Variants in COA1 observed in about 807,000 individuals in gnomAD.
COA1 encodes the protein cytochrome c oxidase assembly factor 1, also known as cytochrome c oxidase assembly factor 1 homolog.
In COA1, 13 loss-of-function variants were observed where a neutral mutation model predicts 16.0. That is an observed-to-expected ratio of 0.81 (90% CI 0.53 to 1.29). The LOEUF (loss-of-function observed/expected upper bound fraction) is 1.29, where lower values mean the gene tolerates loss of function less well. COA1 is among the 50% of genes most tolerant of loss of function. The probability of loss-of-function intolerance (pLI) is 0.00; values close to 1 mark genes in which losing one functional copy is unlikely to be tolerated. For synonymous variants in COA1, 65 were observed against 65.7 expected (o/e 0.99, Z 0.05); for missense variants, 179 against 177.0 (o/e 1.01, Z -0.06).
At chr7:43,674,939 C>T (rs1052399173) in intron 1 of COA1, among the ~76,000 whole-genome samples, 1 of 152,192 alleles carries the variant, frequency 6.6e-6, no homozygotes, top group African/African-American at 2.4e-5. Context: ...GGTTAAAAGT[C>T]ATCATCCAAG....
intron 1 of COA1, among the ~76,000 whole-genome samples, chr7:43,724,249 T>C (rs1024236304): frequency 1.3e-5 from 2 of 151,962 alleles, no homozygotes; most frequent in African/African-American, 4.8e-5. Context: ...TGGATACGTA[T>C]ACCTAAAAGA....
At chr7:43,648,708 T>G in intron 1 of COA1, 56 bp from the exon 2 acceptor site, 1 of 1,326,226 alleles carries the variant, frequency 7.5e-7, no homozygotes, top group Non-Finnish European at 1.1e-6. Context: ...CAGTTCTCTC[T>G]AGTCTCATAC....
chr7:43,621,438 A>G (rs1219433618), intron 6 of COA1, among the ~76,000 whole-genome samples: 1 of 152,200 alleles, frequency 6.6e-6, no homozygotes, highest in Non-Finnish European at 1.5e-5. Flanking sequence ...CAAAATAGTA[A>G]TTATTGCCCT....
intron 6 of COA1, chr7:43,619,709 C>T: frequency 6.2e-7 from 1 of 1,613,690 alleles, no homozygotes; most frequent in Non-Finnish European, 8.5e-7. Flanking sequence ...ATTATGGGTA[C>T]CCCTGAATAT....
At chr7:43,683,320 A>G (rs1020302668) in intron 1 of COA1, among the ~76,000 whole-genome samples, 1 of 152,136 alleles carries the variant, frequency 6.6e-6, no homozygotes, top group Admixed American at 6.5e-5. Context: ...TATTTTTAAC[A>G]TAACTATGCT....
chr7:43,640,463 A>G, intron 5 of COA1, 110 bp downstream of exon 5: 1 of 827,820 alleles, frequency 1.2e-6, no homozygotes, highest in Non-Finnish European at 2.0e-6. Context: ...TTGAAAAATA[A>G]TTCTTCCTAT....
chr7:43,671,188 A>C (rs896072270), intron 1 of COA1, among the ~76,000 whole-genome samples: 7 of 152,216 alleles, frequency 4.6e-5, no homozygotes, highest in African/African-American at 1.7e-4. Context: ...TCCTAGAAGA[A>C]ACATGAGAAT....
At chr7:43,701,232 G>T (rs1321119541) in intron 1 of COA1, among the ~76,000 whole-genome samples, 1 of 152,062 alleles carries the variant, frequency 6.6e-6, no homozygotes, top group Non-Finnish European at 1.5e-5. Context: ...CCAATAGGTA[G>T]TTTTTTCAAC....
intron 1 of COA1, among the ~76,000 whole-genome samples, chr7:43,668,562 G>A (rs2093036487): frequency 6.6e-6 from 1 of 152,194 alleles, no homozygotes; most frequent in Non-Finnish European, 1.5e-5. Context: ...TTAAATCCTA[G>A]TCTAATTGTT....
chr7:43,677,025 T>G (rs2093556624), intron 1 of COA1, among the ~76,000 whole-genome samples: 1 of 152,190 alleles, frequency 6.6e-6, no homozygotes, highest in South Asian at 2.1e-4. Context: ...CCCCTTGGGG[T>G]GGGTCTCTTC....
At chr7:43,691,715 T>C (rs1484057924) in intron 1 of COA1, among the ~76,000 whole-genome samples, 3 of 152,096 alleles carry the variant, frequency 2.0e-5, no homozygotes, top group African/African-American at 7.2e-5. Context: ...CAGAAAAAAG[T>C]CTCTCTGTGA....
At chr7:43,676,574 G>T (rs997026257) in intron 1 of COA1, among the ~76,000 whole-genome samples, 1 of 152,130 alleles carries the variant, frequency 6.6e-6, no homozygotes, top group African/African-American at 2.4e-5. Flanking sequence ...TAGAACAGAA[G>T]ATTCTAGTGT....
In COA1 at chr7:43,617,341, T is replaced by C. The variant is rs146980422; in HGVS notation, c.*134-7846A>G. Among the ~76,000 whole-genome samples, 278 of 152,304 alleles carry C rather than the reference T, an allele frequency of 1.8e-3. 1 individual carries two copies. Among genetic ancestry groups the C allele is most frequent in the African/African-American group, 6.4e-3 (265 of 41,562 alleles). On this transcript the variant is annotated intron_variant and NMD_transcript_variant, in intron 6 of 6. Coordinates refer to the COA1 transcript ENST00000415076. ...GCTTCAATGTGGGCAAAACAGATCC[T>C]AGCAAACCTTTGAAGAGGCCATTGC...
chr7:43,659,241 C>T (rs997818036), intron 1 of COA1: 9 of 152,256 alleles, frequency 5.9e-5, no homozygotes, highest in Middle Eastern at 3.4e-3. Context: ...AAGGACAAGG[C>T]GCATAGCAGA....
At chr7:43,704,062 T>C (rs1286782563) in intron 1 of COA1, among the ~76,000 whole-genome samples, 1 of 152,232 alleles carries the variant, frequency 6.6e-6, no homozygotes, top group South Asian at 2.1e-4. Context: ...ATTTTATTTT[T>C]CTTTCGCTTA....
chr7:43,618,505 T>C (rs551006159), intron 6 of COA1, among the ~76,000 whole-genome samples: 1 of 152,234 alleles, frequency 6.6e-6, no homozygotes, highest in Admixed American at 6.5e-5. Context: ...AAACACTGGG[T>C]GTTAGAGTGA....
At chr7:43,637,430 G>GTCTC (rs776553212), downstream of COA1, among the ~76,000 whole-genome samples, 1 of 152,126 alleles carries the variant, frequency 6.6e-6, no homozygotes, top group Non-Finnish European at 1.5e-5. Flanking sequence ...CCTTTCTCTG[G>GTCTC]TCTCTGGGCT....
chr7:43,647,376 C>T, intron 3 of COA1, 159 bp downstream of exon 3: 1 of 641,026 alleles, frequency 1.6e-6, no homozygotes, highest in African/African-American at 1.8e-5. Flanking sequence ...TTACAGGATA[C>T]AGAGGAAGCT....
At chr7:43,616,748 T>C (rs1273076153) in intron 6 of COA1, among the ~76,000 whole-genome samples, 1 of 151,760 alleles carries the variant, frequency 6.6e-6, no homozygotes, top group Non-Finnish European at 1.5e-5. Context: ...ATACAAAAAA[T>C]TAGCCGGGCG....
Sources: gnomAD v4.1 joint callset for allele counts (sites outside exome capture counted in the v4.1 genomes callset) on GRCh38, gnomAD v4.1.1 for gene constraint, MANE v1.5 for transcripts, NCBI Gene and HGNC (gene_info 2026-07-23, HGNC 2026-07-21) for gene names.